TNRC6B: variants seen among roughly 807,000 people sequenced by gnomAD.
TNRC6B encodes the protein trinucleotide repeat-containing gene 6B protein.
A neutral mutation model predicts 203.6 loss-of-function variants in TNRC6B; 52 were observed. The ratio of observed to expected loss-of-function variants is 0.26; its 90% CI spans 0.20 to 0.32. The LOEUF is 0.32. Ranked by LOEUF, TNRC6B falls within the 10% of genes least tolerant of loss-of-function variation. The pLI is 1.00. For synonymous variants in TNRC6B, 838 were observed against 845.7 expected, an observed-to-expected ratio of 0.99 and a Z score of 0.16; for missense variants, 1,923 against 2,286.2, an observed-to-expected ratio of 0.84 and a Z score of 3.24.
upstream of TNRC6B, among the ~76,000 whole-genome samples, chr22:40,177,624 G>A (rs1357572879): frequency 3.3e-5 from 5 of 152,152 alleles, no homozygotes; most frequent in Non-Finnish European, 7.3e-5. Context: ...ACTAGCAAGC[G>A]AGCCAGGAGA....
chr22:40,307,695 C>G (rs910693576), intron 15 of TNRC6B, among the ~76,000 whole-genome samples: 1 of 152,028 alleles, frequency 6.6e-6, no homozygotes, highest in Non-Finnish European at 1.5e-5. Flanking sequence ...TCTCGAACTA[C>G]CCACCTACTC....
At chr22:40,319,062 C>T (rs948386612) in intron 21 of TNRC6B, among the ~76,000 whole-genome samples, 2 of 151,936 alleles carry the variant, frequency 1.3e-5, no homozygotes, top group Non-Finnish European at 2.9e-5. Flanking sequence ...CAGAGCGAGA[C>T]GCTGTTTCAA....
At chr22:40,317,667 C>G (rs2071277502) in intron 21 of TNRC6B, among the ~76,000 whole-genome samples, 1 of 151,866 alleles carries the variant, frequency 6.6e-6, no homozygotes, top group African/African-American at 2.4e-5. Context: ...TTGCTCTCAT[C>G]AGACCATATC....
chr22:40,285,511 C>G, intron 11 of TNRC6B, 134 bp from the exon 12 acceptor site: 1 of 1,043,292 alleles, frequency 9.6e-7, no homozygotes. Context: ...TAAGGAACTT[C>G]TCAGTTACAA....
intron 1 of TNRC6B, among the ~76,000 whole-genome samples, chr22:40,189,376 C>T (rs1243183915): frequency 6.6e-6 from 1 of 151,948 alleles, no homozygotes; most frequent in African/African-American, 2.4e-5. Flanking sequence ...TTCCAGCTTC[C>T]AGGTTTCACG....
At chr22:40,257,193 A>G (rs769329607) in intron 3 of TNRC6B, among the ~76,000 whole-genome samples, 1 of 152,228 alleles carries the variant, frequency 6.6e-6, no homozygotes, top group Non-Finnish European at 1.5e-5. Context: ...AGATAGTTAA[A>G]GGAAATAATA....
chr22:40,117,508 C>T (rs1166478904), intron 2 of TNRC6B, among the ~76,000 whole-genome samples: 2 of 152,248 alleles, frequency 1.3e-5, no homozygotes, highest in East Asian at 1.9e-4. Flanking sequence ...TTTGCTTAAA[C>T]AGCCCTCATG....
At position 40,322,914 on chromosome 22, in the gene TNRC6B, C is replaced by T. The variant is rs780189249; in HGVS notation, c.5175C>T (p.Arg1725=). Residue 1725 remains arginine (R), a synonymous_variant, in exon 23 of 23, where the codon CGC becomes CGT. Transcript: ENST00000454349. ...TTGCCACTGATGATGAAGTCAGCCG[C>T]TTTCTGGCACAAGCTCAGCCCCCTA... The part of the protein sequence containing the change: ...AEFATDDEVS[R]FLAQAQPPTP... 1.2e-5 allele frequency: 20 copies of T among 1,613,992 alleles called. No individual in the cohort carries two copies. In the South Asian group the frequency reaches 1.9e-4, roughly 15 times the overall value.
At chr22:40,253,733 G>A in intron 3 of TNRC6B, 1 of 455,922 alleles carries the variant, frequency 2.2e-6, no homozygotes, top group Non-Finnish European at 4.4e-6. Context: ...ACAGAGGGAG[G>A]GCCTGACCTT....
intron 1 of TNRC6B, among the ~76,000 whole-genome samples, chr22:40,220,109 TG>T (rs2069688387): frequency 6.6e-6 from 1 of 152,082 alleles, no homozygotes; most frequent in South Asian, 2.1e-4. Flanking sequence ...CGGTAGTAGG[TG>T]GGGGTGGAGC....
Position 40,265,987 on chromosome 22 carries a change from A to T in TNRC6B, c.1757A>T (p.His586Leu). 1 of 1,613,968 alleles carries T rather than the reference A, an allele frequency of 6.2e-7. No individual in the cohort carries two copies. Among genetic ancestry groups the T allele is most frequent in the Non-Finnish European group, 8.5e-7 (1 of 1,179,904 alleles). Residue 586 changes from histidine (H) to leucine (L), a missense_variant, in exon 5 of 23, where the codon CAT (histidine) becomes CTT (leucine). Coordinates refer to ENST00000454349, the MANE Select transcript of TNRC6B (RefSeq NM_001162501.2). ...CACAAAGCAGGAAGTAGTGACAGTC[A>T]TAACTCTGGCCGTCGGTCGTACAGG... ...SNHKAGSSDSHNSGRRSYRPT... is the reference protein window; with the variant it reads ...SNHKAGSSDSLNSGRRSYRPT...
intron 1 of TNRC6B, among the ~76,000 whole-genome samples, chr22:40,074,248 A>AAAG (rs1555975722): frequency 1.3e-5 from 2 of 151,346 alleles, no homozygotes; most frequent in African/African-American, 4.9e-5. Flanking sequence ...AAAAAAAAAA[A>AAAG]AAAAGAAAAG....
At chr22:40,172,205 T>A (rs911441349) in intron 4 of TNRC6B, among the ~76,000 whole-genome samples, 4 of 152,162 alleles carry the variant, frequency 2.6e-5, no homozygotes, top group African/African-American at 9.7e-5. Flanking sequence ...CAACTCAGCT[T>A]AAATGTTGCT....
chr22:40,089,868 C>T (rs1359209906), intron 1 of TNRC6B, among the ~76,000 whole-genome samples: 1 of 152,314 alleles, frequency 6.6e-6, no homozygotes, highest in Non-Finnish European at 1.5e-5. Context: ...TCCCTGTCTT[C>T]TGGCAACCAC....
chr22:40,314,066 C>T (rs1371066430), intron 19 of TNRC6B, among the ~76,000 whole-genome samples: 2 of 152,164 alleles, frequency 1.3e-5, no homozygotes, highest in Non-Finnish European at 2.9e-5. Context: ...AACTCTTTTA[C>T]ACCTATAAAT....
chr22:40,252,420 T>G (rs1223771272), intron 3 of TNRC6B, among the ~76,000 whole-genome samples: 2 of 152,166 alleles, frequency 1.3e-5, no homozygotes, highest in African/African-American at 4.8e-5. Context: ...TAATGATTGG[T>G]TTCTTCATTG....
At chr22:40,300,812 T>C (rs1278045623) in intron 13 of TNRC6B, 98 bp from the exon 14 acceptor site, 17 of 1,277,912 alleles carry the variant, frequency 1.3e-5, no homozygotes, top group Non-Finnish European at 1.7e-5. Context: ...ATACTTTTGA[T>C]TGTGTGACCT....
chr22:40,159,862 G>T (rs938006197), intron 4 of TNRC6B, among the ~76,000 whole-genome samples: 2 of 151,678 alleles, frequency 1.3e-5, no homozygotes, highest in East Asian at 3.9e-4. Context: ...CCTAGGCTAG[G>T]GTGCAATGGT....
At position 40,300,440 on chromosome 22, in the gene TNRC6B, T is replaced by A; in HGVS notation, c.3709-15T>A. 9.8e-6 allele frequency: 15 copies of A among 1,535,498 alleles called. No individual in the cohort carries two copies. Among genetic ancestry groups the A allele is most frequent in the Non-Finnish European group, 1.2e-5 (14 of 1,148,392 alleles). On this transcript the variant is annotated splice_polypyrimidine_tract_variant and intron_variant, in intron 12 of 22. Coordinates refer to ENST00000454349, the MANE Select transcript of TNRC6B (RefSeq NM_001162501.2). ...GATTCCTTTTCTTTTCTTTCTTTTT[T>A]ATTTTTTTGGCTAGGTTTCTGCCTC...
Sources: gnomAD v4.1 joint callset for allele counts (sites outside exome capture counted in the v4.1 genomes callset) on GRCh38, gnomAD v4.1.1 for gene constraint, MANE v1.5 for transcripts, NCBI Gene and HGNC (gene_info 2026-07-23, HGNC 2026-07-21) for gene names.